Variants in NCKAP1 observed in about 807,000 individuals in gnomAD.
The protein encoded by NCKAP1 is NCK associated protein 1, also known as nck-associated protein 1.
In NCKAP1, 21 loss-of-function variants were observed where a neutral mutation model predicts 151.2. The observed-to-expected ratio is 0.14, with a 90% CI of 0.10 to 0.20. NCKAP1 has a LOEUF of 0.20. Among genes scored for constraint, NCKAP1 ranks in the 10% least tolerant of loss-of-function variants. The pLI, the probability that NCKAP1 is intolerant of heterozygous loss-of-function variation, is 1.00. For synonymous variants in NCKAP1, 484 were observed against 451.8 expected (o/e 1.07, Z -0.90); for missense variants, 933 against 1,352.1 (o/e 0.69, Z 4.86).
intron 2 of NCKAP1, among the ~76,000 whole-genome samples, chr2:183,008,069 C>G (rs113454476): frequency 0.089 from 13,522 of 152,058 alleles, 734 homozygotes; most frequent in Non-Finnish European, 0.12. Context: ...TGGGATTATA[C>G]GCATGCGCCA....
intron 9 of NCKAP1, among the ~76,000 whole-genome samples, chr2:182,986,813 T>C (rs1559094571): frequency 6.6e-6 from 1 of 152,188 alleles, no homozygotes. Context: ...TAAAAAAACA[T>C]TTAATTAACA....
rs764542713 is a variant in NCKAP1 at position 182,957,309 on chromosome 2, G to A, written c.2021+148C>T. The stretch of plus-strand genomic sequence containing the variant: ...TTGAGATGAAATAAGCAACTAACAG[G>A]TTAATTAAGCTCAGAAATATTTTTT... On this transcript the variant is annotated intron_variant, in intron 19 of 30. Coordinates refer to ENST00000361354, the MANE Select transcript of NCKAP1 (RefSeq NM_013436.5). 729 of 861,086 alleles carry A rather than the reference G, an allele frequency of 8.5e-4. 7 individuals carry two copies. The highest frequency in any genetic ancestry group is 1.9e-4 in the Non-Finnish European group (118 of 610,030). 53.3% of individuals were successfully genotyped at this position (861,086 alleles called of 1,614,324 possible). A position where few individuals can be genotyped will look rare whatever the true frequency, so the allele number is the denominator to read the frequency against.
chr2:182,959,011 G>A (rs1010930591), intron 18 of NCKAP1, among the ~76,000 whole-genome samples: 4 of 152,048 alleles, frequency 2.6e-5, no homozygotes, highest in African/African-American at 9.7e-5. Flanking sequence ...TTTAAAATTA[G>A]CTTTACCTGT....
intron 2 of NCKAP1, among the ~76,000 whole-genome samples, chr2:183,004,202 A>G (rs1411484730): frequency 6.6e-6 from 1 of 151,472 alleles, no homozygotes; most frequent in African/African-American, 2.4e-5. Context: ...TTAACAAGAT[A>G]CCCAGGTGTT....
intron 2 of NCKAP1, 58 bp downstream of exon 2, chr2:183,023,748 C>T: frequency 7.4e-7 from 1 of 1,357,902 alleles, no homozygotes; most frequent in Non-Finnish European, 1.1e-6. Context: ...ACTGTGTTGA[C>T]CACTGTTTCT....
intron 15 of NCKAP1, among the ~76,000 whole-genome samples, chr2:182,976,500 T>C (rs1047507554): frequency 1.3e-5 from 2 of 152,248 alleles, no homozygotes; most frequent in African/African-American, 4.8e-5. Flanking sequence ...ACGGAGACTA[T>C]ATGGCTGCAA....
chr2:182,953,520 G>C (rs1190686090), intron 20 of NCKAP1, among the ~76,000 whole-genome samples, 189 bp from the exon 21 acceptor site: 3 of 152,128 alleles, frequency 2.0e-5, no homozygotes, highest in Admixed American at 2.0e-4. Context: ...AATGAAGGCC[G>C]GGCATGGTGG....
intron 16 of NCKAP1, among the ~76,000 whole-genome samples, chr2:182,965,033 A>G (rs930530816): frequency 1.3e-5 from 2 of 152,116 alleles, no homozygotes; most frequent in African/African-American, 2.4e-5. Flanking sequence ...ATAATAAACC[A>G]TAATCTATGG....
At chr2:182,955,810 C>CTAA in intron 20 of NCKAP1, among the ~76,000 whole-genome samples, 1 of 152,054 alleles carries the variant, frequency 6.6e-6, no homozygotes, top group African/African-American at 2.4e-5. Flanking sequence ...CTTTCCCTCC[C>CTAA]ACTTTTCTCT....
intron 23 of NCKAP1, among the ~76,000 whole-genome samples, chr2:182,946,603 G>GA (rs77773145): frequency 6.2e-5 from 9 of 144,988 alleles, no homozygotes; most frequent in East Asian, 2.0e-4. Context: ...AAGTTGGAAA[G>GA]AAAAAAAAAA....
intron 17 of NCKAP1, 91 bp downstream of exon 17, chr2:182,964,585 G>C: frequency 8.8e-7 from 1 of 1,132,188 alleles, no homozygotes; most frequent in Non-Finnish European, 1.2e-6. Flanking sequence ...AGCTAAGTTA[G>C]CTAATTATGA....
At chr2:183,020,192 G>C (rs1248407276) in intron 2 of NCKAP1, among the ~76,000 whole-genome samples, 1 of 152,060 alleles carries the variant, frequency 6.6e-6, no homozygotes, top group East Asian at 1.9e-4. Flanking sequence ...GCTGGGCATG[G>C]TGACTCAAGC....
At chr2:182,993,088 C>G (rs1698200347) in intron 8 of NCKAP1, among the ~76,000 whole-genome samples, 1 of 152,144 alleles carries the variant, frequency 6.6e-6, no homozygotes, top group Admixed American at 6.6e-5. Flanking sequence ...CCAGGACCAT[C>G]AACAGATACC....
intron 2 of NCKAP1, among the ~76,000 whole-genome samples, chr2:183,009,475 GAAGCAAGC>G (rs1199446455): frequency 1.1e-4 from 11 of 100,226 alleles, no homozygotes; most frequent in Non-Finnish European, 1.0e-4. Context: ...AGGAAGGAAG[GAAGCAAGC>G]AAGCAAGCAG....
intron 1 of NCKAP1, chr2:183,024,887 T>C (rs1032016955): frequency 3.6e-6 from 5 of 1,392,714 alleles, no homozygotes; most frequent in East Asian, 2.4e-5. Context: ...ACTATGGCTA[T>C]GTTGTGGATT....
At chr2:182,971,395 A>T (rs1324617205) in intron 15 of NCKAP1, among the ~76,000 whole-genome samples, 1 of 112,612 alleles carries the variant, frequency 8.9e-6, no homozygotes, top group Non-Finnish European at 2.1e-5. Context: ...CTCCGTCTCA[A>T]AAAAAAAAAA....
At chr2:183,001,278 A>G (rs973725413) in intron 6 of NCKAP1, among the ~76,000 whole-genome samples, 3 of 152,152 alleles carry the variant, frequency 2.0e-5, no homozygotes, top group Non-Finnish European at 4.4e-5. Flanking sequence ...AAATAATGAG[A>G]CTGGATAAGA....
rs1182097594 is a variant in NCKAP1 at position 182,913,426 on chromosome 2, TG to T, written c.*12275del. On this transcript the variant is annotated 3_prime_UTR_variant, in exon 31 of 31. Transcript: ENST00000361354. Reference sequence around the variant, plus strand: ...ATGGATTGATGGGCTATCAAGGGAGTGGGTTAGTTACCACAAAAGTGAGTCT... The same window carrying T: ...ATGGATTGATGGGCTATCAAGGGAGTGGTTAGTTACCACAAAAGTGAGTCT... 2 of 151,862 alleles carry T rather than the reference TG, an allele frequency of 1.3e-5. No individual in the cohort carries two copies. Among genetic ancestry groups the T allele is most frequent in the African/African-American group, 4.8e-5 (2 of 41,270 alleles). 9.4% of individuals were successfully genotyped at this position (151,862 alleles called of 1,614,324 possible). A position where few individuals can be genotyped will look rare whatever the true frequency, so the allele number is the denominator to read the frequency against.
At chr2:182,965,973 T>C (rs1160919970) in intron 16 of NCKAP1, among the ~76,000 whole-genome samples, 1 of 152,192 alleles carries the variant, frequency 6.6e-6, no homozygotes, top group African/African-American at 2.4e-5. Context: ...ATGGTTTCTC[T>C]ACCTGGTGAT....
Sources: gnomAD v4.1 joint callset for allele counts (sites outside exome capture counted in the v4.1 genomes callset) on GRCh38, gnomAD v4.1.1 for gene constraint, MANE v1.5 for transcripts, NCBI Gene and HGNC (gene_info 2026-07-23, HGNC 2026-07-21) for gene names.